Variants in ACOX3 observed in about 807,000 individuals in gnomAD.
ACOX3 encodes the protein peroxisomal acyl-coenzyme A oxidase 3.
Under a neutral mutation model 81.5 loss-of-function variants are expected in ACOX3, and 73 were observed. The observed-to-expected ratio is 0.90, with a 90% CI of 0.74 to 1.09. The LOEUF is 1.09. Among genes scored for constraint, ACOX3 ranks in the 50% least tolerant of loss-of-function variants. The probability of loss-of-function intolerance (pLI) is 0.00; values close to 1 mark genes in which losing one functional copy is unlikely to be tolerated. For synonymous variants in ACOX3, 387 were observed against 375.1 expected, an observed-to-expected ratio of 1.03 and a Z score of -0.37; for missense variants, 947 against 928.0, an observed-to-expected ratio of 1.02 and a Z score of -0.27.
chr4:8,408,891 TGGGGGGGGG>T (rs200811549), intron 6 of ACOX3, among the ~76,000 whole-genome samples: 5 of 25,790 alleles, frequency 1.9e-4, no homozygotes, highest in East Asian at 1.2e-3. Flanking sequence ...GAGCCCTCAC[TGGGGGGGGG>T]GGGTGGGGGG....
chr4:8,375,130 G>C lies in ACOX3; in HGVS notation c.1676C>G (p.Ala559Gly). The C allele has an allele frequency of 6.5e-7, 1 of 1,549,650 alleles. No homozygotes were observed. Among genetic ancestry groups the C allele is most frequent in the South Asian group, 1.2e-5 (1 of 84,194 alleles). Residue 559 changes from alanine to glycine, a missense_variant, in exon 15 of 18, where the codon GCG becomes GGG. By Grantham distance (60) the Ala-to-Gly change is moderately conservative (BLOSUM62 0). Transcript: ENST00000356406. ...CACCGTGAGCTCCACGAAGGCCAGC[G>C]CCAACGGACGGCCGTGGGACACCTG... is the stretch of plus-strand genomic sequence containing the variant. ...KCQVSHGRPL[A>G]LAFVELTVVQ...
chr4:8,440,079 C>G (rs973509433), intron 1 of ACOX3, among the ~76,000 whole-genome samples: 1 of 152,212 alleles, frequency 6.6e-6, no homozygotes, highest in African/African-American at 2.4e-5. Flanking sequence ...ATGAAAAAAG[C>G]ATTGCAAAAC....
At chr4:8,364,725 A>C (rs1466721241), downstream of ACOX3, among the ~76,000 whole-genome samples, 1 of 152,222 alleles carries the variant, frequency 6.6e-6, no homozygotes, top group Non-Finnish European at 1.5e-5. This position sits in a 1 kb window ranked among gnomAD's most constrained non-coding sequence, Gnocchi z 5.0. Context: ...CATACCCTTG[A>C]CCTTGAACAA....
At chr4:8,378,543 G>T (rs1171197084) in intron 14 of ACOX3, among the ~76,000 whole-genome samples, 1 of 151,862 alleles carries the variant, frequency 6.6e-6, no homozygotes, top group Non-Finnish European at 1.5e-5. Flanking sequence ...CTGGAAGCAG[G>T]CTGCAGGGAC....
chr4:8,410,165 C>G, intron 6 of ACOX3, 47 bp downstream of exon 6: 2 of 1,585,746 alleles, frequency 1.3e-6, no homozygotes, highest in Non-Finnish European at 1.7e-6. Flanking sequence ...ACCAGTGCTT[C>G]CTGGGGGTAA....
rs1369131879 is a variant in ACOX3 at position 8,405,464 on chromosome 4, C to T, written c.776+491G>A. Among the ~76,000 whole-genome samples, 1 of 152,222 alleles carries T rather than the reference C, an allele frequency of 6.6e-6. No individual in the cohort carries two copies. Among genetic ancestry groups the T allele is most frequent in the African/African-American group, 2.4e-5 (1 of 41,460 alleles). On this transcript the variant is annotated intron_variant, in intron 7 of 17. Transcript: ENST00000356406. This position sits in a 1 kb window ranked among gnomAD's most constrained non-coding sequence, Gnocchi z 7.1. Reference sequence around the variant, plus strand: ...GTGCTGCTAAATAGATATATGTGGGCTGATTAAACAAATAAGCCAGCGGAA... The same window carrying T: ...GTGCTGCTAAATAGATATATGTGGGTTGATTAAACAAATAAGCCAGCGGAA...
At chr4:8,424,882 T>C (rs1202131558) in intron 1 of ACOX3, among the ~76,000 whole-genome samples, 1 of 152,126 alleles carries the variant, frequency 6.6e-6, no homozygotes. Flanking sequence ...AAAAGCAGGG[T>C]ATGCAGTGGT....
intron 1 of ACOX3, among the ~76,000 whole-genome samples, chr4:8,425,356 TCACGAGGA>T (rs1373397069): frequency 6.6e-6 from 1 of 151,968 alleles, no homozygotes; most frequent in Non-Finnish European, 1.5e-5. Context: ...ATGGGGAACC[TCACGAGGA>T]CATAGTTTCT....
In ACOX3 at chr4:8,382,067, C is replaced by T. The variant is rs2108826325; in HGVS notation, c.1538-460G>A. The stretch of plus-strand genomic sequence containing the variant: ...AGGAAGGGGTGCTTCCGTTCGCCTC[C>T]CCCTGCCTGGCCCTTGGACCTCACC... On this transcript the variant is annotated intron_variant, in intron 13 of 17. Coordinates refer to ENST00000356406, the MANE Select transcript of ACOX3 (RefSeq NM_003501.3). The surrounding 1 kb of genome is among the most constrained non-coding windows in gnomAD (Gnocchi z 4.1). 6.6e-6 allele frequency among the ~76,000 whole-genome samples: 1 copy of T among 152,332 alleles called. No homozygotes were observed. The highest frequency in any genetic ancestry group is 1.5e-5 in the Non-Finnish European group (1 of 68,026).
In ACOX3 at chr4:8,389,723, C is replaced by T; in HGVS notation, c.1312G>A (p.Gly438Ser). Residue 438 changes from glycine (G) to serine (S), a missense_variant, in exon 12 of 18, where the codon GGT (glycine) becomes AGT (serine). Transcript: ENST00000356406. The surrounding 1 kb of genome is among the most constrained non-coding windows in gnomAD (Gnocchi z 5.3). ...GHGYLAMNRLGVLRDDNDPNC... is the reference protein window; with the variant it reads ...GHGYLAMNRLSVLRDDNDPNC... ...GGATCGTTGTCATCTCTAAGGACAC[C>T]CAACCGGTTCACTGCAACAAAGCCA... 1 of 1,613,874 alleles carries T rather than the reference C, an allele frequency of 6.2e-7. No individual in the cohort carries two copies. The highest frequency in any genetic ancestry group is 1.1e-5 in the South Asian group (1 of 91,062).
chr4:8,416,691 A>G lies in ACOX3; in HGVS notation c.-14-156T>C, dbSNP rs1722384643. ...GAGAATCACTCTGTGAATGGCTAGC[A>G]TCATTTTCCCAGAAGAAAAGGCGAG... On this transcript the variant is annotated intron_variant, in intron 1 of 17. Coordinates refer to ENST00000356406, the MANE Select transcript of ACOX3 (RefSeq NM_003501.3). The surrounding 1 kb of genome is among the most constrained non-coding windows in gnomAD (Gnocchi z 4.2). 6.6e-6 allele frequency among the ~76,000 whole-genome samples: 1 copy of G among 152,280 alleles called. No individual in the cohort carries two copies. The highest frequency in any genetic ancestry group is 1.5e-5 in the Non-Finnish European group (1 of 68,054).
In ACOX3 at chr4:8,410,342, T is replaced by C. The variant is rs764822711; in HGVS notation, c.557A>G (p.His186Arg). ...YDPATEEFIIHSPDFEAAKFW... is the reference protein window; with the variant it reads ...YDPATEEFIIRSPDFEAAKFW... ...CTTGGCAGCTTCGAAATCAGGGGAATGTATGATGAATTCCTGCACAAGGGA... is the reference window on the plus strand; with the variant it reads ...CTTGGCAGCTTCGAAATCAGGGGAACGTATGATGAATTCCTGCACAAGGGA... The change falls in exon 6 of 18, where the codon CAT (histidine) becomes CGT (arginine). Residue 186 changes from histidine (H) to arginine (R), a missense_variant. Physicochemically the swap from His to Arg is conservative, Grantham distance 29. Coordinates refer to ENST00000356406, the MANE Select transcript of ACOX3 (RefSeq NM_003501.3). The C allele has an allele frequency of 6.8e-6, 11 of 1,613,946 alleles. No homozygotes were observed. Among genetic ancestry groups the C allele is most frequent in the Admixed American group, 6.7e-5 (4 of 59,994 alleles).
chr4:8,397,231 C>T (rs1292160248), intron 8 of ACOX3, 112 bp from the exon 9 acceptor site: 5 of 1,098,002 alleles, frequency 4.6e-6, no homozygotes, highest in Admixed American at 7.2e-5. Flanking sequence ...GACCTGTGCC[C>T]ACCTGCCCAG....
rs775039072 is a variant in ACOX3 at position 8,394,609 on chromosome 4, C to A, written c.1179+11G>T. The A allele has an allele frequency of 1.9e-6, 3 of 1,612,590 alleles. No homozygotes were observed. In the East Asian group the frequency reaches 6.7e-5, roughly 36 times the overall value. ...TAAACGATGCTGCTGAGGAAGCAGA[C>A]ACCACCTCACCTGTCTGGCGCTGCG... On this transcript the variant is annotated intron_variant, in intron 10 of 17. Coordinates refer to ENST00000356406, the MANE Select transcript of ACOX3 (RefSeq NM_003501.3). This position sits in a 1 kb window ranked among gnomAD's most constrained non-coding sequence, Gnocchi z 5.9.
chr4:8,369,537 T>C (rs2108781421), intron 17 of ACOX3, among the ~76,000 whole-genome samples: 1 of 152,346 alleles, frequency 6.6e-6, no homozygotes, highest in Non-Finnish European at 1.5e-5. Flanking sequence ...GCAGGCCCTC[T>C]GCAGAGATGA....
chr4:8,404,437 T>A (rs74864604), intron 7 of ACOX3, among the ~76,000 whole-genome samples: 3,624 of 119,274 alleles, frequency 0.03, 139 homozygotes, highest in African/African-American at 0.14. Context: ...TTGTTTTGCT[T>A]TTTTTTTTTT....
chr4:8,408,869 T>C (rs1167759501), intron 6 of ACOX3, among the ~76,000 whole-genome samples: 2 of 94,978 alleles, frequency 2.1e-5, no homozygotes, highest in African/African-American at 8.3e-5. Context: ...TTGGGGAGCT[T>C]CTTGTGGGAC....
At position 8,389,052 on chromosome 4, in the gene ACOX3, C is replaced by T. The variant is rs900808266; in HGVS notation, c.1537+121G>A. ...CAGGACAAGCTGCATGCGGGGCCTC[C>T]CACCACCACTGCTGCCCCGGCTGGA... On this transcript the variant is annotated intron_variant, in intron 13 of 17. Coordinates refer to ENST00000356406, the MANE Select transcript of ACOX3 (RefSeq NM_003501.3). The surrounding 1 kb of genome is among the most constrained non-coding windows in gnomAD (Gnocchi z 5.3). 9 of 753,840 alleles carry T rather than the reference C, an allele frequency of 1.2e-5. No homozygotes were observed. The Admixed American group carries it at 1.9e-4, about 16-fold the overall frequency. The allele number at this position is 753,840 out of a possible 1,614,324, so 46.7% of individuals were successfully genotyped here.
chr4:8,398,123 G>T (rs1040935589), intron 8 of ACOX3, among the ~76,000 whole-genome samples: 4 of 152,174 alleles, frequency 2.6e-5, no homozygotes, highest in African/African-American at 9.7e-5. Context: ...CTGAGATCGT[G>T]CTGTTGCACT....
Sources: allele counts gnomAD v4.1 joint callset (sites outside exome capture counted in the v4.1 genomes callset), GRCh38; gene constraint gnomAD v4.1.1; non-coding constraint Gnocchi (gnomAD v3.1); transcripts MANE v1.5; gene names NCBI Gene and HGNC (gene_info 2026-07-23, HGNC 2026-07-21).